Variants in MTR observed in about 807,000 individuals in gnomAD.
MTR encodes methionine synthase.
In MTR, 84 loss-of-function variants were observed where a neutral mutation model predicts 154.8. That is an observed-to-expected ratio of 0.54 (90% CI 0.45 to 0.65). The LOEUF is 0.65. MTR is among the 30% of genes least tolerant of loss of function. The probability of loss-of-function intolerance (pLI) is 0.00; values close to 1 mark genes in which losing one functional copy is unlikely to be tolerated. For synonymous variants in MTR, 554 were observed against 553.9 expected, an observed-to-expected ratio of 1.00 and a Z score of 0.00; for missense variants, 1,275 against 1,570.2, an observed-to-expected ratio of 0.81 and a Z score of 3.18.
At chr1:236,864,917 A>C (rs1177138561) in intron 22 of MTR, among the ~76,000 whole-genome samples, 1 of 152,264 alleles carries the variant, frequency 6.6e-6, no homozygotes, top group Non-Finnish European at 1.5e-5. Context: ...GTTCAGCCTT[A>C]ATGGGACAAG....
chr1:236,853,142 C>T (rs1368863260), intron 18 of MTR, 54 bp downstream of exon 18: 4 of 1,572,966 alleles, frequency 2.5e-6, no homozygotes, highest in Non-Finnish European at 2.6e-6. Flanking sequence ...GAATGTATTA[C>T]TCACCTACAG....
In MTR at chr1:236,895,377, A is replaced by G. The variant is rs755419209; in HGVS notation, c.3425A>G (p.His1142Arg). Reference protein sequence around the residue: ...RLAEAFAEELHERVRRELWAY... With the variant: ...RLAEAFAEELRERVRRELWAY... ...CCCAAGGCCTTTGCAGAAGAGCTCCATGAAAGAGTTCGCCGAGAACTGTGG... is the reference window on the plus strand; with the variant it reads ...CCCAAGGCCTTTGCAGAAGAGCTCCGTGAAAGAGTTCGCCGAGAACTGTGG... Residue 1142 changes from histidine to arginine, a missense_variant, in exon 31 of 33, where the codon CAT (histidine) becomes CGT (arginine). By Grantham distance (29) the His-to-Arg change is conservative. Coordinates refer to ENST00000366577, the MANE Select transcript of MTR (RefSeq NM_000254.3). 6.2e-7 allele frequency: 1 copy of G among 1,601,720 alleles called. No individual in the cohort carries two copies. The highest frequency in any genetic ancestry group is 8.5e-7 in the Non-Finnish European group (1 of 1,173,660).
In MTR at chr1:236,874,528, G is replaced by A. The variant is rs4659737; in HGVS notation, c.2474-198G>A. Among the ~76,000 whole-genome samples, 97,104 of 150,462 alleles carry A rather than the reference G, an allele frequency of 0.65. 31,567 individuals carry two copies. Among genetic ancestry groups the A allele is most frequent in the South Asian group, 0.71 (3,341 of 4,720 alleles). On this transcript the variant is annotated intron_variant, in intron 23 of 32. Transcript: ENST00000366577. ...AAAGGTTGCAGTGAGCCGAGATCGC[G>A]CCACTGCACTCCAACCTGGGCAACC...
chr1:236,853,514 G>A (rs978500457), intron 18 of MTR, among the ~76,000 whole-genome samples: 1 of 152,142 alleles, frequency 6.6e-6, no homozygotes, highest in African/African-American at 2.4e-5. Context: ...GAATATGCAT[G>A]CATAGGTACA....
chr1:236,799,639 C>T (rs1660597087), intron 1 of MTR, among the ~76,000 whole-genome samples: 1 of 151,956 alleles, frequency 6.6e-6, no homozygotes, highest in African/African-American at 2.4e-5. Flanking sequence ...ATATTACATT[C>T]TGGAATGTAC....
chr1:236,849,692 C>T (rs1310106995), intron 15 of MTR, among the ~76,000 whole-genome samples: 1 of 152,100 alleles, frequency 6.6e-6, no homozygotes, highest in Non-Finnish European at 1.5e-5. Context: ...TTTTGGGAAG[C>T]AGCTGGGGGA....
intron 14 of MTR, among the ~76,000 whole-genome samples, chr1:236,837,653 A>G (rs551538222): frequency 1.2e-3 from 187 of 152,262 alleles, no homozygotes; most frequent in Non-Finnish European, 1.8e-3. Context: ...AGTTGCAGCT[A>G]CTCAGGAGGC....
chr1:236,852,899 G>T, intron 17 of MTR, 49 bp from the exon 18 acceptor site: 1 of 1,608,108 alleles, frequency 6.2e-7, no homozygotes, highest in South Asian at 1.1e-5. Flanking sequence ...GCTGATCGCT[G>T]ACTTAAGGTA....
At chr1:236,881,272 C>G (rs970333429) in intron 25 of MTR, among the ~76,000 whole-genome samples, 20 of 152,122 alleles carry the variant, frequency 1.3e-4, no homozygotes, top group African/African-American at 4.3e-4. Context: ...TATTTAAAAC[C>G]CAGAACAGTG....
rs150464919 is a variant in MTR, at chr1:236,806,019, T to C, written c.250-125T>C. 1.2e-3 allele frequency: 980 copies of C among 790,644 alleles called. 3 individuals are homozygous for C. The highest frequency in any genetic ancestry group is 1.4e-3 in the East Asian group (52 of 37,790). The allele number at this position is 790,644 out of a possible 1,614,324, so 49.0% of individuals were successfully genotyped here. ...TTTGCATCTCTACCTTCTAATGCAG[T>C]GCCTTACTCTTAGTAAATGGTCAAA... On this transcript the variant is annotated intron_variant, in intron 2 of 32. Coordinates refer to ENST00000366577, the MANE Select transcript of MTR (RefSeq NM_000254.3).
intron 15 of MTR, among the ~76,000 whole-genome samples, chr1:236,840,709 A>G (rs1663180360): frequency 6.6e-6 from 1 of 152,190 alleles, no homozygotes; most frequent in South Asian, 2.1e-4. Flanking sequence ...TAGTGGATTA[A>G]AACTCCATGT....
At chr1:236,868,912 G>A (rs1262316521) in intron 22 of MTR, among the ~76,000 whole-genome samples, 2 of 152,180 alleles carry the variant, frequency 1.3e-5, no homozygotes, top group African/African-American at 4.8e-5. Flanking sequence ...AGAGGATTTG[G>A]ATCCATTTTT....
intron 31 of MTR, among the ~76,000 whole-genome samples, chr1:236,895,874 T>C (rs1346887493): frequency 1.3e-5 from 2 of 152,226 alleles, no homozygotes; most frequent in Non-Finnish European, 2.9e-5. Flanking sequence ...CTTTAATCCC[T>C]CCCTTAGAGA....
chr1:236,827,025 C>T lies in MTR; in HGVS notation c.995+129C>T, dbSNP rs574007312. 16 of 833,850 alleles carry T rather than the reference C, an allele frequency of 1.9e-5. No individual in the cohort carries two copies. The South Asian group carries it at 2.3e-4, about 12-fold the overall frequency. 51.7% of individuals were successfully genotyped at this position (833,850 alleles called of 1,614,324 possible). On this transcript the variant is annotated intron_variant, in intron 11 of 32. Transcript: ENST00000366577. ...TTGTATGTTGAAGTTCTAACCCCTA[C>T]TGTTTCAGAATGTGGGCTGTATTTG... is the stretch of plus-strand genomic sequence containing the variant.
intron 29 of MTR, among the ~76,000 whole-genome samples, chr1:236,892,248 G>A (rs572745764): frequency 6.6e-6 from 1 of 152,146 alleles, no homozygotes; most frequent in South Asian, 2.1e-4. Context: ...AAGGTGGGAG[G>A]ATTGCTTGAG....
At chr1:236,852,809 C>A in intron 17 of MTR, 139 bp from the exon 18 acceptor site, 2 of 1,131,360 alleles carry the variant, frequency 1.8e-6, no homozygotes, top group South Asian at 1.3e-5. Flanking sequence ...TGCTTTTATG[C>A]TGTAACTACA....
chr1:236,888,483 G>A (rs1166625887), intron 27 of MTR, among the ~76,000 whole-genome samples: 1 of 152,240 alleles, frequency 6.6e-6, no homozygotes, highest in Non-Finnish European at 1.5e-5. Context: ...CCACTAGCCA[G>A]CTTAAGACAT....
At chr1:236,808,123 G>GA (rs1224013560) in intron 3 of MTR, among the ~76,000 whole-genome samples, 2 of 152,186 alleles carry the variant, frequency 1.3e-5, no homozygotes, top group African/African-American at 4.8e-5. Context: ...GGAGGGCCGT[G>GA]AACCTCCTTA....
At chr1:236,815,565 T>A (rs879029955) in intron 6 of MTR, 39 bp from the exon 7 acceptor site, 5 of 1,607,160 alleles carry the variant, frequency 3.1e-6, no homozygotes, top group East Asian at 2.2e-5. Flanking sequence ...TTGGACACAC[T>A]CTCAGAAATA....
Sources: gnomAD v4.1 joint callset for allele counts (sites outside exome capture counted in the v4.1 genomes callset) on GRCh38, gnomAD v4.1.1 for gene constraint, MANE v1.5 for transcripts, NCBI Gene and HGNC (gene_info 2026-07-23, HGNC 2026-07-21) for gene names.